Variants in ARHGAP39 observed in about 807,000 individuals in gnomAD.
ARHGAP39 encodes rho GTPase-activating protein 39.
ARHGAP39 carries 44 observed loss-of-function variants against 106.9 expected under a neutral mutation model. That is an observed-to-expected ratio of 0.41 (90% CI 0.32 to 0.53). The LOEUF (loss-of-function observed/expected upper bound fraction) is 0.53, where lower values mean the gene tolerates loss of function less well. ARHGAP39 is among the 20% of genes least tolerant of loss of function. The pLI is 0.21. For missense variants in ARHGAP39, 1,496 were observed against 1,577.3 expected, an observed-to-expected ratio of 0.95 and a Z score of 0.87; for synonymous variants, 768 against 693.2, an observed-to-expected ratio of 1.11 and a Z score of -1.69.
At chr8:144,533,564 A>T (rs764503476) in intron 8 of ARHGAP39, among the ~76,000 whole-genome samples, 1 of 151,714 alleles carries the variant, frequency 6.6e-6, no homozygotes, top group East Asian at 1.9e-4. Context: ...CCCTCCTCTC[A>T]TCCCTGTGAA....
chr8:144,601,091 TGGA>T lies in ARHGAP39; in HGVS notation c.80+4441_80+4443del, dbSNP rs549898381. Among the ~76,000 whole-genome samples, 210 of 132,266 alleles carry T rather than the reference TGGA, an allele frequency of 1.6e-3. 3 individuals are homozygous for T. Among genetic ancestry groups the T allele is most frequent in the South Asian group, 8.4e-3 (32 of 3,808 alleles). The allele number at this position is 132,266 out of a possible 152,430, so 86.8% of individuals were successfully genotyped here. On this transcript the variant is annotated intron_variant, in intron 2 of 11. Coordinates refer to ENST00000377307, the MANE Select transcript of ARHGAP39 (RefSeq NM_025251.3). ...GCTCGTGTACCTGTGTGCATGTGCG[TGGA>T]GGTGTGTGTGACCTCATGTACCTGT...
intron 3 of ARHGAP39, among the ~76,000 whole-genome samples, chr8:144,574,399 G>A (rs1409902555): frequency 4.6e-5 from 7 of 152,096 alleles, no homozygotes; most frequent in South Asian, 2.1e-4. Flanking sequence ...GGCTGGGTGT[G>A]GTGGCTCATG....
chr8:144,673,876 G>A (rs528953777), intron 1 of ARHGAP39, among the ~76,000 whole-genome samples: 83 of 152,346 alleles, frequency 5.4e-4, no homozygotes, highest in Non-Finnish European at 9.8e-4. Flanking sequence ...CAGCTGCAGC[G>A]GGGCAGGCTG....
At chr8:144,541,348 C>T (rs991338340) in intron 6 of ARHGAP39, among the ~76,000 whole-genome samples, 37 of 152,178 alleles carry the variant, frequency 2.4e-4, no homozygotes, top group African/African-American at 7.5e-4. Context: ...TCTTCCTTTT[C>T]CATTTTCTTT....
intron 1 of ARHGAP39, among the ~76,000 whole-genome samples, chr8:144,633,926 T>C (rs1278567200): frequency 6.6e-6 from 1 of 152,216 alleles, no homozygotes; most frequent in Non-Finnish European, 1.5e-5. Flanking sequence ...AAAAGATACA[T>C]GAATACAAGT....
At chr8:144,669,388 T>C (rs1215977162) in intron 1 of ARHGAP39, among the ~76,000 whole-genome samples, 3 of 141,550 alleles carry the variant, frequency 2.1e-5, no homozygotes, top group Non-Finnish European at 4.6e-5. Flanking sequence ...GCGCCTGTAG[T>C]CCCAGCTATT....
chr8:144,605,285 A>G (rs775193095), intron 2 of ARHGAP39, among the ~76,000 whole-genome samples: 5 of 152,186 alleles, frequency 3.3e-5, no homozygotes, highest in African/African-American at 4.8e-5. Context: ...CAATGAATAA[A>G]TTAGAAAATC....
At position 144,530,779 on chromosome 8, in the gene ARHGAP39, C is replaced by G; in HGVS notation, c.3073G>C (p.Glu1025Gln). 1 of 1,611,542 alleles carries G rather than the reference C, an allele frequency of 6.2e-7. No individual in the cohort carries two copies. Among genetic ancestry groups the G allele is most frequent in the Non-Finnish European group, 8.5e-7 (1 of 1,179,472 alleles). Residue 1025 changes from glutamate (E) to glutamine (Q), a missense_variant, in exon 11 of 12, where the codon GAG becomes CAG. This residue lies in a region of ARHGAP39 where 470 missense variants were observed against 605.1 expected (regional missense o/e 0.78). Coordinates refer to ENST00000377307, the MANE Select transcript of ARHGAP39 (RefSeq NM_025251.3). ...EQCIAHYDSP[E>Q]AAVAVVHALP... ...GCGTGCACCACGGCCACCGCCGCCT[C>G]GGGGCTGTCGTAGTGCGCGATGCAC... is the stretch of plus-strand genomic sequence containing the variant.
chr8:144,601,934 G>GGCGT (rs1212784983), intron 2 of ARHGAP39, among the ~76,000 whole-genome samples: 47 of 135,084 alleles, frequency 3.5e-4, no homozygotes, highest in Non-Finnish European at 5.6e-4. Context: ...TGTGCATGGA[G>GGCGT]GCGTGCGTGC....
intron 2 of ARHGAP39, among the ~76,000 whole-genome samples, chr8:144,589,348 G>C (rs1288530882): frequency 2.0e-5 from 3 of 152,226 alleles, no homozygotes; most frequent in African/African-American, 2.4e-5. Context: ...ATGCAGGCGT[G>C]TCCCGGCAGG....
In ARHGAP39 at chr8:144,591,681, C is replaced by A. The variant is rs978907180; in HGVS notation, c.81-10404G>T. Among the ~76,000 whole-genome samples, 8 of 152,200 alleles carry A rather than the reference C, an allele frequency of 5.3e-5. No individual in the cohort carries two copies. The highest frequency in any genetic ancestry group is 8.8e-5 in the Non-Finnish European group (6 of 68,020). ...GGAAGGGCAAGGTTTTCGGCCTGAGCACCTGGAGGGCGGGGCTGTGTCAGG... is the reference window on the plus strand; with the variant it reads ...GGAAGGGCAAGGTTTTCGGCCTGAGAACCTGGAGGGCGGGGCTGTGTCAGG... On this transcript the variant is annotated intron_variant, in intron 2 of 11. Transcript: ENST00000377307. This position sits in a 1 kb window ranked among gnomAD's most constrained non-coding sequence, Gnocchi z 5.3.
At chr8:144,601,553 T>C (rs1819947809) in intron 2 of ARHGAP39, among the ~76,000 whole-genome samples, 1 of 141,580 alleles carries the variant, frequency 7.1e-6, no homozygotes, top group African/African-American at 2.7e-5. Context: ...GAGGCGTGCG[T>C]GCGAGCTCGT....
intron 1 of ARHGAP39, among the ~76,000 whole-genome samples, chr8:144,606,235 C>T (rs114645215): frequency 0.01 from 1,597 of 152,332 alleles, 28 homozygotes; most frequent in African/African-American, 0.037. Context: ...AACAACAATG[C>T]TGTGTTCACC....
intron 1 of ARHGAP39, among the ~76,000 whole-genome samples, chr8:144,606,299 T>C (rs1563704624): frequency 6.6e-6 from 1 of 152,182 alleles, no homozygotes; most frequent in South Asian, 2.1e-4. Flanking sequence ...GGGCCACATA[T>C]ACATGGATTT....
intron 3 of ARHGAP39, among the ~76,000 whole-genome samples, chr8:144,576,706 C>T (rs1027310061): frequency 2.0e-5 from 3 of 152,220 alleles, no homozygotes; most frequent in Admixed American, 6.5e-5. Context: ...CCGAAGCCGT[C>T]CATTCTGTTC....
rs776696476 is a variant in ARHGAP39, at chr8:144,547,617, C to G, written c.1469G>C (p.Gly490Ala). 5 of 1,497,922 alleles carry G rather than the reference C, an allele frequency of 3.3e-6. No homozygotes were observed. The South Asian group carries it at 6.5e-5, about 20-fold the overall frequency. 92.8% of individuals were successfully genotyped at this position (1,497,922 alleles called of 1,614,324 possible). A position where few individuals can be genotyped will look rare whatever the true frequency, so the allele number is the denominator to read the frequency against. The stretch of plus-strand genomic sequence containing the variant: ...CTTTCTGCTCTTCCGCTTGCGCGTG[C>G]CCGGGGAGTAGCCTGTGGAGGACAG... The part of the protein sequence containing the change: ...DTLSSTGYSP[G>A]TRKRKSRKPS... Residue 490 changes from glycine to alanine, a missense_variant, in exon 5 of 12, where the codon GGC becomes GCC. Coordinates refer to ENST00000377307, the MANE Select transcript of ARHGAP39 (RefSeq NM_025251.3). This position sits in a 1 kb window ranked among gnomAD's most constrained non-coding sequence, Gnocchi z 5.2.
At chr8:144,551,241 T>G (rs1245885027) in intron 4 of ARHGAP39, among the ~76,000 whole-genome samples, 128 of 128,892 alleles carry the variant, frequency 9.9e-4, no homozygotes, top group African/African-American at 1.2e-3. Context: ...GCCGGGAGGG[T>G]GGGGTGAGTA....
intron 2 of ARHGAP39, among the ~76,000 whole-genome samples, chr8:144,583,533 G>C (rs1819078530): frequency 6.6e-6 from 1 of 152,156 alleles, no homozygotes; most frequent in South Asian, 2.1e-4. Context: ...AGGATCTCGT[G>C]GGGATCCCGT....
At position 144,635,859 on chromosome 8, in the gene ARHGAP39, G is replaced by A. The variant is rs113091934; in HGVS notation, c.-81-30164C>T. The stretch of plus-strand genomic sequence containing the variant: ...GGGACTGAATTAGAGGGGGGCTGAG[G>A]CTACCGCCAGGTAGACAGTGTGGGG... On this transcript the variant is annotated intron_variant, in intron 1 of 11. Transcript: ENST00000377307. Among the ~76,000 whole-genome samples, 723 of 97,968 alleles carry A rather than the reference G, an allele frequency of 7.4e-3. 5 individuals carry two copies. Among genetic ancestry groups the A allele is most frequent in the Non-Finnish European group, 0.011 (543 of 48,814 alleles). 64.3% of individuals were successfully genotyped at this position (97,968 alleles called of 152,430 possible). A position where few individuals can be genotyped will look rare whatever the true frequency, so the allele number is the denominator to read the frequency against.
Sources: gnomAD v4.1 joint callset for allele counts (sites outside exome capture counted in the v4.1 genomes callset) on GRCh38, gnomAD v4.1.1 for gene constraint, gnomAD v4.1.1 regional missense constraint, Gnocchi (gnomAD v3.1) non-coding constraint, MANE v1.5 for transcripts, NCBI Gene and HGNC (gene_info 2026-07-23, HGNC 2026-07-21) for gene names.